The following TRAPPC6A variants were observed in gnomAD, a reference collection of about 807,000 sequenced individuals.
TRAPPC6A encodes the protein TRAPP complex subunit 6A.
In TRAPPC6A, 25 loss-of-function variants were observed where a neutral mutation model predicts 20.8. The ratio of observed to expected loss-of-function variants is 1.20; its 90% CI spans 0.88 to 1.68. TRAPPC6A has a LOEUF of 1.68. Among genes scored for constraint, TRAPPC6A ranks in the 40% most tolerant of loss-of-function variants. The pLI, the probability that TRAPPC6A is intolerant of heterozygous loss-of-function variation, is 0.00. For missense variants in TRAPPC6A, 215 were observed against 211.6 expected (o/e 1.02, Z -0.10); for synonymous variants, 96 against 93.3 (o/e 1.03, Z -0.16).
intron 3 of TRAPPC6A, 96 bp downstream of exon 3, chr19:45,164,757 C>G: frequency 8.4e-7 from 1 of 1,196,350 alleles, no homozygotes; most frequent in Admixed American, 1.7e-5. Context: ...TGGGCGGGTC[C>G]CGGCAGCCGC....
At chr19:45,174,478 T>C (rs1969324386) in intron 1 of TRAPPC6A, among the ~76,000 whole-genome samples, 1 of 151,966 alleles carries the variant, frequency 6.6e-6, no homozygotes, top group Admixed American at 6.6e-5. Flanking sequence ...CAAAGTACAC[T>C]CCGGCTGGGG....
At chr19:45,177,164 G>C (rs1969400266) in intron 1 of TRAPPC6A, among the ~76,000 whole-genome samples, 1 of 150,860 alleles carries the variant, frequency 6.6e-6, no homozygotes, top group East Asian at 2.0e-4. Flanking sequence ...CAGCCAGCCT[G>C]GGCGACCGAG....
intron 3 of TRAPPC6A, among the ~76,000 whole-genome samples, chr19:45,164,542 T>C (rs1248750170): frequency 6.6e-6 from 1 of 152,092 alleles, no homozygotes; most frequent in East Asian, 1.9e-4. Flanking sequence ...AGCCTGGGTG[T>C]CACTGGGGGA....
At chr19:45,169,188 C>T (rs1969220590) in intron 1 of TRAPPC6A, among the ~76,000 whole-genome samples, 1 of 152,238 alleles carries the variant, frequency 6.6e-6, no homozygotes, top group African/African-American at 2.4e-5. Context: ...ACCAGCGGCG[C>T]AGGTGCAGAG....
At chr19:45,177,194 C>CACAT (rs976424910) in intron 1 of TRAPPC6A, among the ~76,000 whole-genome samples, 1 of 96,012 alleles carries the variant, frequency 1.0e-5, no homozygotes, top group Admixed American at 1.0e-4. Context: ...CGTGCGCGCA[C>CACAT]ACACACACAC....
At chr19:45,178,105 C>T (rs978171451) in intron 1 of TRAPPC6A, 30 bp downstream of exon 1, 1 of 1,612,706 alleles carries the variant, frequency 6.2e-7, no homozygotes, top group South Asian at 1.1e-5. Flanking sequence ...TGGTGGCCCC[C>T]GCTTCCTCCC....
In TRAPPC6A at chr19:45,164,905, A is replaced by G. The variant is rs1969114149; in HGVS notation, c.218T>C (p.Leu73Pro). 1 of 1,614,136 alleles carries G rather than the reference A, an allele frequency of 6.2e-7. No individual in the cohort carries two copies. Among genetic ancestry groups the G allele is most frequent in the Non-Finnish European group, 8.5e-7 (1 of 1,179,996 alleles). ...CTGCTTCTGGAACACCGCCACCCACAGGTCTTTGCACAAGAACTTGAGGAC... is the reference window on the plus strand; with the variant it reads ...CTGCTTCTGGAACACCGCCACCCACGGGTCTTTGCACAAGAACTTGAGGAC... ...LDVLKFLCKD[L>P]WVAVFQKQMD... Residue 73 changes from leucine (L) to proline (P), a missense_variant, in exon 3 of 6, where the codon CTG (leucine) becomes CCG (proline). Transcript: ENST00000585934.
chr19:45,174,691 T>C (rs887001999), intron 1 of TRAPPC6A, among the ~76,000 whole-genome samples: 8 of 151,900 alleles, frequency 5.3e-5, no homozygotes, highest in African/African-American at 1.9e-4. Context: ...TAGCAGGGTA[T>C]GGTTGTGTGC....
At position 45,164,051 on chromosome 19, in the gene TRAPPC6A, C is replaced by A. The variant is rs185025005; in HGVS notation, c.355-42G>T. The A allele has an allele frequency of 7.1e-5, 111 of 1,555,502 alleles. No individual in the cohort carries two copies. The African/African-American group carries it at 1.0e-3, about 14-fold the overall frequency. On this transcript the variant is annotated intron_variant, in intron 4 of 5. Coordinates refer to ENST00000585934, the MANE Select transcript of TRAPPC6A (RefSeq NM_001270891.2). The stretch of plus-strand genomic sequence containing the variant: ...GACCAGCATGGGAAGAGAGGGGAGG[C>A]CAGCACCCGAGGTCTGGGGCACCCC...
chr19:45,172,007 A>C lies in TRAPPC6A; in HGVS notation c.84+6128T>G. The stretch of plus-strand genomic sequence containing the variant: ...CTTGTCTTCAAAGCCTCTGAGGTAG[A>C]AAAGCCACGGCTGCTTCCTCCAAGG... On this transcript the variant is annotated intron_variant, in intron 1 of 5. Coordinates refer to ENST00000585934, the MANE Select transcript of TRAPPC6A (RefSeq NM_001270891.2). The surrounding 1 kb of genome is among the most constrained non-coding windows in gnomAD (Gnocchi z 4.2). 6.6e-6 allele frequency among the ~76,000 whole-genome samples: 1 copy of C among 152,024 alleles called. No homozygotes were observed. Among genetic ancestry groups the C allele is most frequent in the Admixed American group, 6.6e-5 (1 of 15,264 alleles).
chr19:45,171,711 A>C (rs1472614180), intron 1 of TRAPPC6A, among the ~76,000 whole-genome samples: 1 of 152,248 alleles, frequency 6.6e-6, no homozygotes, highest in Non-Finnish European at 1.5e-5. Flanking sequence ...AGGAAGTCTA[A>C]TATTCCCTGT....
At position 45,177,186 on chromosome 19, in the gene TRAPPC6A, TGC is replaced by T. The variant is rs369046871; in HGVS notation, c.84+947_84+948del. Among the ~76,000 whole-genome samples, 983 of 99,838 alleles carry T rather than the reference TGC, an allele frequency of 9.8e-3. 11 individuals are homozygous for T. The highest frequency in any genetic ancestry group is 0.046 in the African/African-American group (848 of 18,504). The allele number at this position is 99,838 out of a possible 152,430, so 65.5% of individuals were successfully genotyped here. A position where few individuals can be genotyped will look rare whatever the true frequency, so the allele number is the denominator to read the frequency against. On this transcript the variant is annotated intron_variant, in intron 1 of 5. Transcript: ENST00000585934. Reference sequence around the variant, plus strand: ...CCTGGGCGACCGAGCAGGATGCGCGTGCGCGCACACACACACACACACACACA... The same window carrying T: ...CCTGGGCGACCGAGCAGGATGCGCGTGCGCACACACACACACACACACACA...
Position 45,163,302 on chromosome 19 carries a change from C to G in TRAPPC6A, c.449-79G>C. ...CACCTGGACGGCTCTTAGGCGCTCACCCCCGTCCTGCACTGACACCCCAGT... is the reference window on the plus strand; with the variant it reads ...CACCTGGACGGCTCTTAGGCGCTCAGCCCCGTCCTGCACTGACACCCCAGT... On this transcript the variant is annotated intron_variant, in intron 5 of 5. Transcript: ENST00000585934. The surrounding 1 kb of genome is among the most constrained non-coding windows in gnomAD (Gnocchi z 5.3). 6.6e-7 allele frequency: 1 copy of G among 1,507,410 alleles called. No homozygotes were observed. Among genetic ancestry groups the G allele is most frequent in the Non-Finnish European group, 9.2e-7 (1 of 1,091,488 alleles). 93.4% of individuals were successfully genotyped at this position (1,507,410 alleles called of 1,614,324 possible). A position where few individuals can be genotyped will look rare whatever the true frequency, so the allele number is the denominator to read the frequency against.
chr19:45,168,189 G>C (rs1969199068), intron 1 of TRAPPC6A, among the ~76,000 whole-genome samples: 1 of 151,812 alleles, frequency 6.6e-6, no homozygotes, highest in East Asian at 1.9e-4. Flanking sequence ...ATTTTTAGCA[G>C]GGACGGGGTT....
At chr19:45,164,794 C>CGGGG (rs1286436904) in intron 3 of TRAPPC6A, 59 bp downstream of exon 3, 3 of 1,506,532 alleles carry the variant, frequency 2.0e-6, no homozygotes, top group East Asian at 2.3e-5. Context: ...GATTCCCCTC[C>CGGGG]CACTCTCTTG....
chr19:45,176,190 C>T (rs1223564726), intron 1 of TRAPPC6A, among the ~76,000 whole-genome samples: 2 of 152,066 alleles, frequency 1.3e-5, no homozygotes, highest in African/African-American at 4.8e-5. Flanking sequence ...GGCACAGTGG[C>T]TCACACCTGT....
At chr19:45,176,297 C>CAAA (rs138759462) in intron 1 of TRAPPC6A, among the ~76,000 whole-genome samples, 362 of 134,214 alleles carry the variant, frequency 2.7e-3, no homozygotes, top group African/African-American at 9.6e-3. Flanking sequence ...ACTAAAAATA[C>CAAA]AAAAAAAAAA....
chr19:45,177,342 CTCT>C (rs1170082639), intron 1 of TRAPPC6A, among the ~76,000 whole-genome samples: 2 of 151,884 alleles, frequency 1.3e-5, no homozygotes, highest in Admixed American at 1.3e-4. Context: ...ACCCCATTAT[CTCT>C]TTTTTTTTTT....
intron 1 of TRAPPC6A, among the ~76,000 whole-genome samples, chr19:45,177,609 G>T (rs1969417984): frequency 6.6e-6 from 1 of 152,072 alleles, no homozygotes; most frequent in East Asian, 1.9e-4. Flanking sequence ...GAGCTACAGC[G>T]CCCAGCCGGC....
Sources: gnomAD v4.1 joint callset for allele counts (sites outside exome capture counted in the v4.1 genomes callset) on GRCh38, gnomAD v4.1.1 for gene constraint, Gnocchi (gnomAD v3.1) non-coding constraint, MANE v1.5 for transcripts, NCBI Gene and HGNC (gene_info 2026-07-23, HGNC 2026-07-21) for gene names.